The following FAM98B variants were observed in gnomAD, a reference collection of about 807,000 sequenced individuals.
FAM98B encodes the protein tRNA splicing ligase complex subunit 3B.
A neutral mutation model predicts 43.9 loss-of-function variants in FAM98B; 32 were observed. That is an observed-to-expected ratio of 0.73 (90% CI 0.55 to 0.98). The LOEUF is 0.98. Among genes scored for constraint, FAM98B ranks in the 50% least tolerant of loss-of-function variants. The pLI is 0.00. For missense variants in FAM98B, 514 were observed against 522.9 expected (o/e 0.98, Z 0.17); for synonymous variants, 190 against 174.0 (o/e 1.09, Z -0.72).
rs1014932036 is a variant in FAM98B, at chr15:38,487,463, G to C, written c.*2804G>C. The C allele has an allele frequency of 6.6e-6, 1 of 152,082 alleles. No homozygotes were observed. Among genetic ancestry groups the C allele is most frequent in the Non-Finnish European group, 1.5e-5 (1 of 67,974 alleles). 9.4% of individuals were successfully genotyped at this position (152,082 alleles called of 1,614,324 possible). On this transcript the variant is annotated 3_prime_UTR_variant, in exon 8 of 8. Coordinates refer to ENST00000397609, the MANE Select transcript of FAM98B (RefSeq NM_173611.4). Reference sequence around the variant, plus strand: ...AGTTTAATCTTGCCTTCAGGATCAGGCTGTCAGTGTGACTTTATTACTTTG... The same window carrying C: ...AGTTTAATCTTGCCTTCAGGATCAGCCTGTCAGTGTGACTTTATTACTTTG...
intron 4 of FAM98B, among the ~76,000 whole-genome samples, chr15:38,472,999 G>A (rs1022037582): frequency 2.1e-4 from 32 of 152,140 alleles, no homozygotes; most frequent in African/African-American, 7.7e-4. Context: ...CTTTGCAAAA[G>A]TAATGAAAAT....
intron 3 of FAM98B, among the ~76,000 whole-genome samples, chr15:38,466,005 T>A (rs950886410): frequency 2.6e-5 from 4 of 152,192 alleles, no homozygotes; most frequent in Admixed American, 1.3e-4. Context: ...TACTTTAGGC[T>A]AATTTTATAA....
intron 3 of FAM98B, among the ~76,000 whole-genome samples, chr15:38,466,668 A>G (rs1890038483): frequency 6.6e-6 from 1 of 152,200 alleles, no homozygotes; most frequent in African/African-American, 2.4e-5. Flanking sequence ...TCAGTGAGGA[A>G]GACGAAAAAG....
chr15:38,455,937 T>G (rs901133871), intron 1 of FAM98B, among the ~76,000 whole-genome samples: 1 of 152,240 alleles, frequency 6.6e-6, no homozygotes, highest in African/African-American at 2.4e-5. Flanking sequence ...ATTTTGAAGT[T>G]TGAATTCTCC....
At chr15:38,480,899 TA>T (rs1457029753) in intron 6 of FAM98B, among the ~76,000 whole-genome samples, 2 of 152,130 alleles carry the variant, frequency 1.3e-5, no homozygotes, top group African/African-American at 4.8e-5. Flanking sequence ...CAATAATACT[TA>T]ATGTTCCCAT....
At chr15:38,460,381 G>A (rs1889928529) in intron 1 of FAM98B, among the ~76,000 whole-genome samples, 1 of 137,258 alleles carries the variant, frequency 7.3e-6, no homozygotes, top group Non-Finnish European at 1.6e-5. Flanking sequence ...TACTGCAAGA[G>A]GAGAAGGAGT....
intron 1 of FAM98B, among the ~76,000 whole-genome samples, chr15:38,462,524 A>C (rs1467267237): frequency 2.0e-5 from 3 of 152,252 alleles, no homozygotes; most frequent in African/African-American, 7.2e-5. Context: ...ATATCCTTAC[A>C]GGAATACGTC....
chr15:38,456,419 A>C (rs545571949), intron 1 of FAM98B, among the ~76,000 whole-genome samples: 1 of 152,312 alleles, frequency 6.6e-6, no homozygotes, highest in South Asian at 2.1e-4. Flanking sequence ...AGATTCACAG[A>C]CTCAGTTGAG....
intron 3 of FAM98B, among the ~76,000 whole-genome samples, chr15:38,467,401 C>A (rs960345774): frequency 2.0e-4 from 31 of 152,222 alleles, no homozygotes; most frequent in Admixed American, 6.5e-4. Flanking sequence ...GACATGAACA[C>A]GCATTCTACA....
At chr15:38,478,940 A>G (rs1274391008) in intron 6 of FAM98B, among the ~76,000 whole-genome samples, 2 of 152,060 alleles carry the variant, frequency 1.3e-5, no homozygotes, top group Non-Finnish European at 2.9e-5. Flanking sequence ...TTTTTTTGAG[A>G]TATAATTAAC....
intron 2 of FAM98B, among the ~76,000 whole-genome samples, 173 bp downstream of exon 2, chr15:38,464,350 A>T (rs1452006371): frequency 6.6e-6 from 1 of 152,170 alleles, no homozygotes. Context: ...TCCAGAATTG[A>T]TATTTAAATT....
chr15:38,478,382 A>G (rs1890235598), intron 6 of FAM98B, among the ~76,000 whole-genome samples: 1 of 152,006 alleles, frequency 6.6e-6, no homozygotes, highest in East Asian at 1.9e-4. Flanking sequence ...TTGGCCTTTC[A>G]TTTGGTCTTT....
At chr15:38,469,930 G>T (rs1193442416) in intron 3 of FAM98B, among the ~76,000 whole-genome samples, 1 of 152,042 alleles carries the variant, frequency 6.6e-6, no homozygotes, top group African/African-American at 2.4e-5. Context: ...GGTGTGAAAA[G>T]AATCAACCAT....
chr15:38,485,802 T>TA lies in FAM98B; in HGVS notation c.*1144dup, dbSNP rs953988770. 1 of 152,174 alleles carries TA rather than the reference T, an allele frequency of 6.6e-6. No homozygotes were observed. Among genetic ancestry groups the TA allele is most frequent in the African/African-American group, 2.4e-5 (1 of 41,442 alleles). The allele number at this position is 152,174 out of a possible 1,614,324, so 9.4% of individuals were successfully genotyped here. On this transcript the variant is annotated 3_prime_UTR_variant, in exon 8 of 8. Transcript: ENST00000397609. ...ATACAAATACAATTTGTTAAAAACT[T>TA]ACAGAGGGCCTATTTTGAATGCTTT...
Position 38,485,908 on chromosome 15 carries a change from T to C in FAM98B, c.*1249T>C, listed in dbSNP as rs1295126037. On this transcript the variant is annotated 3_prime_UTR_variant, in exon 8 of 8. Coordinates refer to ENST00000397609, the MANE Select transcript of FAM98B (RefSeq NM_173611.4). Reference sequence around the variant, plus strand: ...GAGCTGGTACCATAAATTTTTTCAATCTTAGTGTAAAATCTGTATCTCATT... The same window carrying C: ...GAGCTGGTACCATAAATTTTTTCAACCTTAGTGTAAAATCTGTATCTCATT... The C allele has an allele frequency of 4.6e-5, 7 of 152,190 alleles. No homozygotes were observed. Among genetic ancestry groups the C allele is most frequent in the Non-Finnish European group, 1.0e-4 (7 of 68,014 alleles). 9.4% of individuals were successfully genotyped at this position (152,190 alleles called of 1,614,324 possible). A position where few individuals can be genotyped will look rare whatever the true frequency, so the allele number is the denominator to read the frequency against.
intron 2 of FAM98B, among the ~76,000 whole-genome samples, chr15:38,464,746 A>G (rs2141054290): frequency 6.6e-6 from 1 of 152,292 alleles, no homozygotes; most frequent in South Asian, 2.1e-4. Flanking sequence ...TGCATTCACA[A>G]AAGTAGCTTT....
chr15:38,483,992 A>T (rs565970231), intron 7 of FAM98B, among the ~76,000 whole-genome samples: 4 of 151,950 alleles, frequency 2.6e-5, no homozygotes, highest in Admixed American at 6.6e-5. Flanking sequence ...GCTATTTGAA[A>T]CTATATATTA....
intron 6 of FAM98B, among the ~76,000 whole-genome samples, chr15:38,478,864 A>G (rs1430380963): frequency 6.6e-6 from 1 of 152,232 alleles, no homozygotes; most frequent in African/African-American, 2.4e-5. Flanking sequence ...CACTAAATAT[A>G]TTGTAACCAT....
At chr15:38,458,854 C>A in intron 1 of FAM98B, 2 of 481,292 alleles carry the variant, frequency 4.2e-6, no homozygotes, top group Admixed American at 2.2e-5. Flanking sequence ...TGTCATCAAA[C>A]CAGGACTGCA....
Sources: allele counts gnomAD v4.1 joint callset (sites outside exome capture counted in the v4.1 genomes callset), GRCh38; gene constraint gnomAD v4.1.1; transcripts MANE v1.5; gene names NCBI Gene and HGNC (gene_info 2026-07-23, HGNC 2026-07-21).